The following ATP8A1 variants were observed in gnomAD, a reference collection of about 807,000 sequenced individuals.
ATP8A1 encodes the protein ATPase phospholipid transporting 8A1.
ATP8A1 carries 90 observed loss-of-function variants against 177.7 expected under a neutral mutation model. That is an observed-to-expected ratio of 0.51 (90% confidence interval 0.43 to 0.60). The LOEUF (loss-of-function observed/expected upper bound fraction) is 0.60. ATP8A1 is among the 20% of genes least tolerant of loss of function. The probability of loss-of-function intolerance (pLI) is 0.00; values close to 1 mark genes in which losing one functional copy is unlikely to be tolerated. For synonymous variants in ATP8A1, 493 were observed against 485.9 expected (o/e 1.01, Z -0.19); for missense variants, 1,072 against 1,392.8 (o/e 0.77, Z 3.67).
At chr4:42,548,965 G>T in intron 19 of ATP8A1, 48 bp downstream of exon 19, 1 of 1,398,518 alleles carries the variant, frequency 7.2e-7, no homozygotes, top group Non-Finnish European at 9.9e-7. Context: ...AAATAAAAAT[G>T]GATATAAATT....
chr4:42,601,234 T>C (rs1451389117), intron 5 of ATP8A1, among the ~76,000 whole-genome samples: 1 of 151,800 alleles, frequency 6.6e-6, no homozygotes, highest in African/African-American at 2.4e-5. Flanking sequence ...CAGCATTTCA[T>C]CATGTTGGCC....
At chr4:42,453,764 G>A (rs1718186931) in intron 29 of ATP8A1, among the ~76,000 whole-genome samples, 1 of 152,170 alleles carries the variant, frequency 6.6e-6, no homozygotes, top group Admixed American at 6.5e-5. Flanking sequence ...TATGGTAGAC[G>A]AGGCCTGTGG....
chr4:42,632,131 C>T (rs1042465308), intron 1 of ATP8A1, among the ~76,000 whole-genome samples: 1 of 152,132 alleles, frequency 6.6e-6, no homozygotes, highest in Non-Finnish European at 1.5e-5. Context: ...TGGAACTGAG[C>T]AAGGATCCTT....
intron 5 of ATP8A1, among the ~76,000 whole-genome samples, chr4:42,607,890 TAA>T (rs1666173143): frequency 6.6e-6 from 1 of 152,134 alleles, no homozygotes; most frequent in Non-Finnish European, 1.5e-5. Context: ...GGAGTAGGAA[TAA>T]GTTACGACAG....
intron 25 of ATP8A1, among the ~76,000 whole-genome samples, chr4:42,469,335 G>A (rs531710144): frequency 6.6e-6 from 1 of 152,270 alleles, no homozygotes; most frequent in Admixed American, 6.5e-5. Flanking sequence ...CATGGAAGCC[G>A]AAGAGCATGT....
intron 1 of ATP8A1, among the ~76,000 whole-genome samples, chr4:42,630,277 AGTTCTATTCCTC>A (rs1738592858): frequency 1.3e-5 from 2 of 152,154 alleles, no homozygotes; most frequent in African/African-American, 4.8e-5. Context: ...TTATACATGG[AGTTCTATTCCTC>A]GTTTTAAGGA....
chr4:42,438,663 A>G (rs748378544), intron 33 of ATP8A1, among the ~76,000 whole-genome samples: 1 of 152,084 alleles, frequency 6.6e-6, no homozygotes, highest in Admixed American at 6.5e-5. Flanking sequence ...AAGCGGGGAA[A>G]TGGCAGATGG....
intron 33 of ATP8A1, among the ~76,000 whole-genome samples, chr4:42,442,365 A>C (rs2153174265): frequency 1.3e-5 from 2 of 152,334 alleles, no homozygotes; most frequent in East Asian, 3.9e-4. Flanking sequence ...AGATACATAC[A>C]CATGCACATA....
At chr4:42,644,929 C>T (rs1257813862) in intron 1 of ATP8A1, among the ~76,000 whole-genome samples, 2 of 149,522 alleles carry the variant, frequency 1.3e-5, no homozygotes, top group Admixed American at 6.6e-5. Flanking sequence ...AAGACTATTA[C>T]CAAGTCATTA....
chr4:42,623,024 AG>A (rs1215920728), intron 4 of ATP8A1, among the ~76,000 whole-genome samples: 11 of 151,596 alleles, frequency 7.3e-5, no homozygotes, highest in African/African-American at 2.7e-4. Context: ...AAAAAAAAAA[AG>A]GTGGGCAAAG....
At position 42,579,909 on chromosome 4, in the gene ATP8A1, A is replaced by G; in HGVS notation, c.904T>C (p.Phe302Leu). ...AGAGACATGGCAATTAAGATACAAA[A>G]TAAAATCAAAATTTGTACATTTGTA... ...RITNVQILILFCILIAMSLVC... is the reference protein window; with the variant it reads ...RITNVQILILLCILIAMSLVC... Residue 302 changes from phenylalanine (F) to leucine (L), a missense_variant, in exon 11 of 37, where the codon TTT (phenylalanine) becomes CTT (leucine). Coordinates refer to ENST00000381668, the MANE Select transcript of ATP8A1 (RefSeq NM_006095.2). 1.2e-6 allele frequency: 2 copies of G among 1,613,548 alleles called. No individual in the cohort carries two copies. Among genetic ancestry groups the G allele is most frequent in the Non-Finnish European group, 1.7e-6 (2 of 1,179,560 alleles).
rs1577894309 is a variant in ATP8A1, at chr4:42,419,899, A to C, written c.3305+2908T>G. On this transcript the variant is annotated intron_variant, in intron 35 of 36. Coordinates refer to ENST00000381668, the MANE Select transcript of ATP8A1 (RefSeq NM_006095.2). Reference sequence around the variant, plus strand: ...GTGCCTGTAATCCCAGCTACTAGGGAGGCTGAGGCAGGAGAATGGTGTGAA... The same window carrying C: ...GTGCCTGTAATCCCAGCTACTAGGGCGGCTGAGGCAGGAGAATGGTGTGAA... Among the ~76,000 whole-genome samples the C allele has an allele frequency of 2.0e-5, 3 of 152,186 alleles. No individual in the cohort carries two copies. In the South Asian group the frequency reaches 6.2e-4, roughly 32 times the overall value.
rs1738179315 is a variant in ATP8A1, at chr4:42,627,045, A to T, written c.114T>A (p.Thr38=). 5.6e-6 allele frequency: 9 copies of T among 1,614,034 alleles called. No individual in the cohort carries two copies. Among genetic ancestry groups the T allele is most frequent in the Non-Finnish European group, 3.4e-6 (4 of 1,180,000 alleles). ...TSLADQEEVR[T]IFINQPQLTK... The stretch of plus-strand genomic sequence containing the variant: ...TCAGCTGGGGCTGGTTGATGAAAAT[A>T]GTCCTTACTTCCTCCTGGTCAGCCA... The change falls in exon 2 of 37, where the codon ACT becomes ACA. Residue 38 remains threonine (T), a synonymous_variant. Coordinates refer to ENST00000381668, the MANE Select transcript of ATP8A1 (RefSeq NM_006095.2).
chr4:42,654,426 A>G (rs1396299485), intron 1 of ATP8A1, among the ~76,000 whole-genome samples: 1 of 152,102 alleles, frequency 6.6e-6, no homozygotes, highest in Admixed American at 6.5e-5. Flanking sequence ...GGGGGAAAAG[A>G]GCTTATTTTA....
At position 42,644,108 on chromosome 4, in the gene ATP8A1, C is replaced by T. The variant is rs917812072; in HGVS notation, c.49+12717G>A. Among the ~76,000 whole-genome samples the T allele has an allele frequency of 2.6e-5, 4 of 152,242 alleles. No individual in the cohort carries two copies. In the South Asian group the frequency reaches 8.3e-4, roughly 32 times the overall value. ...GTTTAAAAGGTCAATTTTAGCTGAA[C>T]ATATGGAAAAATATCTGACCTATAA... On this transcript the variant is annotated intron_variant, in intron 1 of 36. Transcript: ENST00000381668.
chr4:42,556,474 A>G (rs1730249010), intron 15 of ATP8A1, among the ~76,000 whole-genome samples: 1 of 152,188 alleles, frequency 6.6e-6, no homozygotes, highest in African/African-American at 2.4e-5. Flanking sequence ...ATATGTAGTG[A>G]TGAAAACCAT....
At position 42,455,391 on chromosome 4, in the gene ATP8A1, A is replaced by C; in HGVS notation, c.2723T>G (p.Leu908Arg). ...TCTGCATGATCTCTCAAATATTCCA[A>C]GAGTTAAAGGAGGCATTGCTGTAAA... is the stretch of plus-strand genomic sequence containing the variant. Reference protein sequence around the residue: ...VMFTAMPPLTLGIFERSCRKE... With the variant: ...VMFTAMPPLTRGIFERSCRKE... The change falls in exon 29 of 37, where the codon CTT becomes CGT. Residue 908 changes from leucine to arginine, a missense_variant. By Grantham distance (102) the Leu-to-Arg change is moderately radical. Around this residue, in one of 5 missense-constraint regions of ATP8A1, gnomAD observed 316 missense variants for 459.1 expected, o/e 0.69. Transcript: ENST00000381668. 6.2e-7 allele frequency: 1 copy of C among 1,613,966 alleles called. No homozygotes were observed. The highest frequency in any genetic ancestry group is 8.5e-7 in the Non-Finnish European group (1 of 1,179,842).
chr4:42,487,289 G>C (rs1722290420), intron 24 of ATP8A1, among the ~76,000 whole-genome samples: 1 of 152,140 alleles, frequency 6.6e-6, no homozygotes, highest in African/African-American at 2.4e-5. Flanking sequence ...CCTTTGTCAA[G>C]AACTGCTTTC....
chr4:42,616,472 T>C (rs1027493883), intron 4 of ATP8A1, among the ~76,000 whole-genome samples: 2 of 152,240 alleles, frequency 1.3e-5, no homozygotes, highest in Non-Finnish European at 2.9e-5. Context: ...TTATCTATAA[T>C]AACTACTGTT....
Sources: allele counts gnomAD v4.1 joint callset (sites outside exome capture counted in the v4.1 genomes callset), GRCh38; gene constraint gnomAD v4.1.1; regional missense constraint gnomAD v4.1.1; transcripts MANE v1.5; gene names NCBI Gene and HGNC (gene_info 2026-07-23, HGNC 2026-07-21).